The following USP32 variants were observed in gnomAD, a reference collection of about 807,000 sequenced individuals.
USP32 encodes ubiquitin carboxyl-terminal hydrolase 32.
A neutral mutation model predicts 204.8 loss-of-function variants in USP32; 59 were observed. The observed-to-expected ratio is 0.29, with a 90% confidence interval of 0.23 to 0.36. The LOEUF is 0.36. Ranked by LOEUF, USP32 falls within the 10% of genes least tolerant of loss-of-function variation. The pLI, the probability that USP32 is intolerant of heterozygous loss-of-function variation, is 1.00. For synonymous variants in USP32, 517 were observed against 678.4 expected (o/e 0.76, Z 3.70); for missense variants, 1,160 against 1,946.4 (o/e 0.60, Z 7.60).
In USP32 at chr17:60,181,697, T is replaced by G; in HGVS notation, c.4175A>C (p.Asn1392Thr). 2 of 1,611,170 alleles carry G rather than the reference T, an allele frequency of 1.2e-6. No homozygotes were observed. Among genetic ancestry groups the G allele is most frequent in the African/African-American group, 1.3e-5 (1 of 74,920 alleles). Residue 1392 changes from asparagine (N) to threonine (T), a missense_variant, in exon 32 of 34, where the codon AAC becomes ACC. Transcript: ENST00000300896. ...CCGTGGGCTGCTATTAGGGCTGCTG[T>G]TTTTGCTGGAGGGACAGCTGGTTCC... ...KSGTSCPSSK[N>T]SSPNSSPRTL...
At chr17:60,300,935 G>A (rs965332383) in intron 3 of USP32, among the ~76,000 whole-genome samples, 4 of 152,060 alleles carry the variant, frequency 2.6e-5, no homozygotes, top group African/African-American at 9.7e-5. Flanking sequence ...CATATAAATG[G>A]AATCATAATA....
intron 1 of USP32, among the ~76,000 whole-genome samples, chr17:60,385,844 A>AC: frequency 6.6e-6 from 1 of 151,808 alleles, no homozygotes; most frequent in Admixed American, 6.6e-5. Context: ...GTCTCAAAAA[A>AC]AAAAAAAGAA....
intron 2 of USP32, among the ~76,000 whole-genome samples, chr17:60,329,552 T>TCCCA (rs1292843958): frequency 2.0e-5 from 3 of 151,902 alleles, no homozygotes; most frequent in Non-Finnish European, 4.4e-5. Context: ...CAAGCATTCC[T>TCCCA]CCCACTTCAG....
intron 1 of USP32, chr17:60,421,861 C>A: frequency 1.0e-6 from 1 of 985,430 alleles, no homozygotes; most frequent in Non-Finnish European, 1.2e-6. Context: ...CACACGAGGC[C>A]GGCGACGGGA....
At chr17:60,280,332 G>A (rs973937785) in intron 5 of USP32, among the ~76,000 whole-genome samples, 1 of 151,936 alleles carries the variant, frequency 6.6e-6, no homozygotes, top group African/African-American at 2.4e-5. Flanking sequence ...CCTGACCTCA[G>A]GTAATCCACC....
chr17:60,239,562 C>G (rs2145652673), intron 11 of USP32, among the ~76,000 whole-genome samples: 1 of 152,228 alleles, frequency 6.6e-6, no homozygotes, highest in South Asian at 2.1e-4. Context: ...TTTAACTTCT[C>G]TGATTCATTC....
intron 26 of USP32, among the ~76,000 whole-genome samples, chr17:60,202,966 G>A (rs1417280178): frequency 1.3e-5 from 2 of 150,242 alleles, no homozygotes; most frequent in Non-Finnish European, 2.9e-5. Flanking sequence ...GGCAGGGATT[G>A]CAGTTATGCA....
At chr17:60,264,461 G>A (rs1010419590) in intron 9 of USP32, among the ~76,000 whole-genome samples, 10 of 151,502 alleles carry the variant, frequency 6.6e-5, no homozygotes, top group African/African-American at 2.2e-4. Context: ...GCTGCAGTGA[G>A]CCAAGATCCC....
At chr17:60,244,674 C>T (rs2085967255) in intron 11 of USP32, among the ~76,000 whole-genome samples, 1 of 152,160 alleles carries the variant, frequency 6.6e-6, no homozygotes, top group Non-Finnish European at 1.5e-5. Context: ...CTCTGTCGCC[C>T]AGGCTGGAGA....
At position 60,185,883 on chromosome 17, in the gene USP32, G is replaced by A. The variant is rs186387278; in HGVS notation, c.3643-232C>T. On this transcript the variant is annotated intron_variant, in intron 29 of 33. Coordinates refer to ENST00000300896, the MANE Select transcript of USP32 (RefSeq NM_032582.4). ...TCGAAACCAGCCTGGTCAAAAGAGTGAGACCCTGTCTCTGTAAAAGAAAAA... is the reference window on the plus strand; with the variant it reads ...TCGAAACCAGCCTGGTCAAAAGAGTAAGACCCTGTCTCTGTAAAAGAAAAA... 13 of 439,010 alleles carry A rather than the reference G, an allele frequency of 3.0e-5. No individual in the cohort carries two copies. The Admixed American group carries it at 4.5e-4, about 15-fold the overall frequency. 27.2% of individuals were successfully genotyped at this position (439,010 alleles called of 1,614,324 possible).
intron 7 of USP32, among the ~76,000 whole-genome samples, chr17:60,268,473 T>C (rs1227026511): frequency 6.8e-6 from 1 of 146,954 alleles, no homozygotes; most frequent in East Asian, 2.0e-4. Flanking sequence ...CCTAGGAGGC[T>C]AGGATGGGAG....
chr17:60,203,493 A>G (rs2084741148), intron 26 of USP32, among the ~76,000 whole-genome samples: 1 of 151,872 alleles, frequency 6.6e-6, no homozygotes. Flanking sequence ...AAACCAATAC[A>G]GTACCTTTTT....
chr17:60,326,359 C>G (rs185614636), intron 2 of USP32, among the ~76,000 whole-genome samples: 52 of 151,376 alleles, frequency 3.4e-4, no homozygotes, highest in Non-Finnish European at 5.7e-4. Context: ...CGCCCCGGCT[C>G]GAGTGGAATG....
At chr17:60,213,514 G>C in intron 18 of USP32, 67 bp downstream of exon 18, 1 of 683,114 alleles carries the variant, frequency 1.5e-6, no homozygotes, top group Non-Finnish European at 2.4e-6. Context: ...TATAAAATGG[G>C]TTATTAGTAA....
rs372646185 is a variant in USP32, at chr17:60,418,787, A to G, written c.106+3459T>C. On this transcript the variant is annotated intron_variant, in intron 1 of 3. Transcript: ENST00000588898. ...AAAGCTCAACATCACTGGTCATTAA[A>G]GAAATGCAAATCAAAACCACAGTGA... Among the ~76,000 whole-genome samples, 11 of 152,366 alleles carry G rather than the reference A, an allele frequency of 7.2e-5. No individual in the cohort carries two copies. The East Asian group carries it at 2.1e-3, about 29-fold the overall frequency.
intron 12 of USP32, among the ~76,000 whole-genome samples, chr17:60,227,314 G>A (rs865877247): frequency 1.4e-5 from 2 of 145,632 alleles, no homozygotes; most frequent in South Asian, 2.2e-4. Context: ...CTGTCACCCA[G>A]GCTAGAGTGC....
intron 9 of USP32, among the ~76,000 whole-genome samples, chr17:60,264,857 CAAAAAAAAAAA>C (rs34027846): frequency 3.4e-4 from 15 of 43,518 alleles, no homozygotes; most frequent in Admixed American, 8.2e-4. Context: ...AAGACTCTGT[CAAAAAAAAAAA>C]AAAAAAAAAA....
chr17:60,252,401 T>C lies in USP32; in HGVS notation c.1116A>G (p.Glu372=). The change falls in exon 11 of 34, where the codon GAA becomes GAG. Residue 372 remains glutamate (E), a synonymous_variant. Transcript: ENST00000300896. The stretch of plus-strand genomic sequence containing the variant: ...TTTACCTAATAATTTGTCCTTCTTC[T>C]TCCGGAGTAGCTGGTCTTAACCCCA... ...IVLGLRPATP[E]EEGQIIRGWL... 2 of 1,610,114 alleles carry C rather than the reference T, an allele frequency of 1.2e-6. No individual in the cohort carries two copies. Among genetic ancestry groups the C allele is most frequent in the Non-Finnish European group, 1.7e-6 (2 of 1,178,314 alleles).
chr17:60,392,241 T>C (rs1050454857), upstream of USP32: 3 of 274,434 alleles, frequency 1.1e-5, no homozygotes, highest in Non-Finnish European at 2.1e-5. Context: ...TTCCGCCCCC[T>C]CCCGCCAGCT....
Sources: gnomAD v4.1 joint callset for allele counts (sites outside exome capture counted in the v4.1 genomes callset) on GRCh38, gnomAD v4.1.1 for gene constraint, MANE v1.5 for transcripts, NCBI Gene and HGNC (gene_info 2026-07-23, HGNC 2026-07-21) for gene names.